EXOC2: variants seen among roughly 807,000 people sequenced by gnomAD.
The protein encoded by EXOC2 is exocyst complex component 2.
In EXOC2, 70 loss-of-function variants were observed where a neutral mutation model predicts 131.8. The observed-to-expected ratio is 0.53, with a 90% CI of 0.44 to 0.65. The LOEUF is 0.65. Ranked by LOEUF, EXOC2 falls within the 30% of genes least tolerant of loss-of-function variation. The pLI is 0.00. For synonymous variants in EXOC2, 411 were observed against 398.4 expected (o/e 1.03, Z -0.38); for missense variants, 923 against 1,108.6 (o/e 0.83, Z 2.38).
intron 22 of EXOC2, among the ~76,000 whole-genome samples, chr6:540,045 CAGA>C (rs770743070): frequency 3.3e-5 from 5 of 152,218 alleles, no homozygotes; most frequent in African/African-American, 7.2e-5. Context: ...TCACCTGAAA[CAGA>C]AGGACAGCCT....
At chr6:612,543 TA>T (rs1282791729) in intron 6 of EXOC2, among the ~76,000 whole-genome samples, 2 of 152,160 alleles carry the variant, frequency 1.3e-5, no homozygotes, top group African/African-American at 4.8e-5. Flanking sequence ...CAAATTATAC[TA>T]AAGAAAATAA....
chr6:548,990 A>C (rs148816983), intron 22 of EXOC2, among the ~76,000 whole-genome samples, 185 bp downstream of exon 22: 1 of 152,330 alleles, frequency 6.6e-6, no homozygotes, highest in East Asian at 1.9e-4. Flanking sequence ...TAACCATTCA[A>C]GGTGAACCAT....
intron 1 of EXOC2, among the ~76,000 whole-genome samples, chr6:642,168 A>G (rs760976560): frequency 3.9e-5 from 6 of 152,220 alleles, no homozygotes; most frequent in Non-Finnish European, 8.8e-5. Flanking sequence ...TTAAATCTTT[A>G]CCAATATTTC....
At chr6:545,194 T>C (rs1756782895) in intron 22 of EXOC2, among the ~76,000 whole-genome samples, 2 of 150,882 alleles carry the variant, frequency 1.3e-5, no homozygotes, top group Non-Finnish European at 3.0e-5. Context: ...ATTAAAAATT[T>C]AATGCCAGCC....
intron 7 of EXOC2, among the ~76,000 whole-genome samples, chr6:608,852 G>C (rs1366918495): frequency 6.6e-6 from 1 of 152,090 alleles, no homozygotes; most frequent in Non-Finnish European, 1.5e-5. Context: ...AACTTCTCCA[G>C]GGCAAATAAC....
At chr6:567,616 CATGT>C (rs928627250) in intron 13 of EXOC2, among the ~76,000 whole-genome samples, 11 of 152,008 alleles carry the variant, frequency 7.2e-5, no homozygotes, top group Non-Finnish European at 1.5e-4. Flanking sequence ...CATTTATATG[CATGT>C]GTTATACATT....
At chr6:658,645 T>TTATATATATATATATATATATTTTA (rs1763255775) in intron 1 of EXOC2, among the ~76,000 whole-genome samples, 1 of 118,348 alleles carries the variant, frequency 8.4e-6, no homozygotes, top group Admixed American at 9.1e-5. Context: ...TATATATATT[T>TTATATATATATATATATATATTTTA]TATATATATA....
At chr6:592,685 G>A (rs1759607834) in intron 10 of EXOC2, 98 bp from the exon 11 acceptor site, 3 of 816,766 alleles carry the variant, frequency 3.7e-6, no homozygotes, top group South Asian at 1.6e-5. Flanking sequence ...TTAGTCTTGT[G>A]CCCTGTCAAA....
intron 21 of EXOC2, among the ~76,000 whole-genome samples, chr6:552,966 G>T (rs1395411636): frequency 6.6e-6 from 1 of 152,068 alleles, no homozygotes; most frequent in African/African-American, 2.4e-5. Context: ...CACCCAGGCT[G>T]GAGCACAGTG....
intron 10 of EXOC2, among the ~76,000 whole-genome samples, chr6:594,607 C>T (rs1759713515): frequency 6.6e-6 from 1 of 152,206 alleles, no homozygotes; most frequent in Non-Finnish European, 1.5e-5. Flanking sequence ...ATAAGCTTTG[C>T]TTAGTGGCTT....
intron 23 of EXOC2, among the ~76,000 whole-genome samples, chr6:522,598 A>G (rs1581361889): frequency 2.5e-5 from 3 of 120,302 alleles, no homozygotes; most frequent in Admixed American, 8.7e-5. Context: ...GAAGCATTGA[A>G]CTGGGCTGGG....
intron 3 of EXOC2, 107 bp downstream of exon 3, chr6:632,834 T>G: frequency 1.4e-4 from 145 of 1,050,862 alleles, no homozygotes; most frequent in Non-Finnish European, 1.8e-4. Context: ...AAATCTAAGT[T>G]GAGATATGCA....
At chr6:649,780 C>T (rs1191604734) in intron 1 of EXOC2, among the ~76,000 whole-genome samples, 2 of 152,146 alleles carry the variant, frequency 1.3e-5, no homozygotes, top group Non-Finnish European at 2.9e-5. Flanking sequence ...TAGCTTTCAG[C>T]AAATGGTATC....
At chr6:684,869 G>A (rs1025144063) in intron 1 of EXOC2, among the ~76,000 whole-genome samples, 1 of 152,124 alleles carries the variant, frequency 6.6e-6, no homozygotes, top group Non-Finnish European at 1.5e-5. Context: ...TTACTATTTA[G>A]TAATGAAGAG....
At chr6:574,934 G>A (rs1370116504) in intron 12 of EXOC2, among the ~76,000 whole-genome samples, 2 of 152,242 alleles carry the variant, frequency 1.3e-5, no homozygotes, top group Non-Finnish European at 2.9e-5. Context: ...ACAGGGCGAG[G>A]CCATGGCCAG....
chr6:509,223 G>A (rs1231892611), intron 23 of EXOC2, among the ~76,000 whole-genome samples: 1 of 152,096 alleles, frequency 6.6e-6, no homozygotes, highest in Non-Finnish European at 1.5e-5. Context: ...TCCTACTATG[G>A]GGAACTTATG....
intron 26 of EXOC2, 21 bp downstream of exon 26, chr6:491,104 C>G (rs1763404576): frequency 6.2e-7 from 1 of 1,613,302 alleles, no homozygotes; most frequent in Admixed American, 1.7e-5. Context: ...GAGCACTCAA[C>G]TAAAGAACAC....
intron 12 of EXOC2, among the ~76,000 whole-genome samples, chr6:574,922 C>T (rs1758494711): frequency 6.6e-6 from 1 of 152,248 alleles, no homozygotes; most frequent in Non-Finnish European, 1.5e-5. Flanking sequence ...AGGTGGCGTG[C>T]CACAGGGCGA....
chr6:692,510 C>T (rs1175557041), intron 1 of EXOC2, among the ~76,000 whole-genome samples: 1 of 152,280 alleles, frequency 6.6e-6, no homozygotes, highest in African/African-American at 2.4e-5. Flanking sequence ...AGCGTACATA[C>T]ACCCGCGCGA....
Sources: allele counts gnomAD v4.1 joint callset (sites outside exome capture counted in the v4.1 genomes callset), GRCh38; gene constraint gnomAD v4.1.1; transcripts MANE v1.5; gene names NCBI Gene and HGNC (gene_info 2026-07-23, HGNC 2026-07-21).